NOS1AP: variants seen among roughly 807,000 people sequenced by gnomAD.
NOS1AP encodes the protein carboxyl-terminal PDZ ligand of neuronal nitric oxide synthase protein.
In NOS1AP, 21 loss-of-function variants were observed where a neutral mutation model predicts 56.2. That is an observed-to-expected ratio of 0.37 (90% CI 0.26 to 0.54). NOS1AP has a LOEUF of 0.54. Among genes scored for constraint, NOS1AP ranks in the 20% least tolerant of loss-of-function variants. The probability of loss-of-function intolerance (pLI) is 0.84; values close to 1 mark genes in which losing one functional copy is unlikely to be tolerated. For missense variants in NOS1AP, 522 were observed against 657.8 expected (o/e 0.79, Z 2.26); for synonymous variants, 270 against 274.6 (o/e 0.98, Z 0.17).
intron 8 of NOS1AP, chr1:162,365,051 G>C (rs1658022954): frequency 8.5e-7 from 1 of 1,174,798 alleles, no homozygotes; most frequent in African/African-American, 1.6e-5. Flanking sequence ...CAGGGATGGA[G>C]CACCGTGCGT....
chr1:162,269,772 C>G (rs888125152), intron 2 of NOS1AP, among the ~76,000 whole-genome samples: 1 of 149,966 alleles, frequency 6.7e-6, no homozygotes, highest in East Asian at 1.9e-4. Context: ...TTTTTTTTTT[C>G]AATTTCCTTT....
intron 6 of NOS1AP, among the ~76,000 whole-genome samples, chr1:162,349,410 G>A (rs1389723030): frequency 6.6e-6 from 1 of 152,134 alleles, no homozygotes; most frequent in African/African-American, 2.4e-5. Flanking sequence ...CAGAAATGAA[G>A]AGACAGAATG....
At chr1:162,116,134 C>T (rs899840399) in intron 1 of NOS1AP, among the ~76,000 whole-genome samples, 1 of 152,182 alleles carries the variant, frequency 6.6e-6, no homozygotes, top group Admixed American at 6.5e-5. Flanking sequence ...GGCTGAGCCC[C>T]TGGCCTCTGA....
intron 6 of NOS1AP, among the ~76,000 whole-genome samples, chr1:162,347,172 G>A (rs192330682): frequency 6.2e-4 from 94 of 152,340 alleles, no homozygotes; most frequent in Non-Finnish European, 9.6e-4. Flanking sequence ...AGGATTTGCC[G>A]TAAGAACTGC....
At chr1:162,194,553 GT>G (rs1322676433) in intron 2 of NOS1AP, among the ~76,000 whole-genome samples, 1 of 152,132 alleles carries the variant, frequency 6.6e-6, no homozygotes, top group Non-Finnish European at 1.5e-5. Context: ...ACCTTTCAAG[GT>G]TTGTACTCTG....
intron 2 of NOS1AP, among the ~76,000 whole-genome samples, chr1:162,204,697 C>A (rs906558875): frequency 6.6e-6 from 1 of 152,192 alleles, no homozygotes; most frequent in African/African-American, 2.4e-5. Flanking sequence ...GCAGCTGCTG[C>A]CAGCTGTTTG....
intron 3 of NOS1AP, among the ~76,000 whole-genome samples, chr1:162,296,294 A>G (rs1408916663): frequency 6.6e-6 from 1 of 152,166 alleles, no homozygotes; most frequent in African/African-American, 2.4e-5. Flanking sequence ...TCAAAAACAA[A>G]AAAAGCTCCA....
intron 5 of NOS1AP, among the ~76,000 whole-genome samples, chr1:162,340,692 A>C (rs1428193506): frequency 1.3e-5 from 2 of 152,160 alleles, no homozygotes; most frequent in Non-Finnish European, 2.9e-5. Flanking sequence ...AGGCTGAAGG[A>C]TGGGATGCCC....
At chr1:162,136,134 G>A (rs944334581) in intron 1 of NOS1AP, among the ~76,000 whole-genome samples, 2 of 152,178 alleles carry the variant, frequency 1.3e-5, no homozygotes, top group Non-Finnish European at 2.9e-5. Context: ...GTACTGCTAT[G>A]GTGTGGAGTA....
At chr1:162,144,282 G>C (rs1281613362) in intron 1 of NOS1AP, among the ~76,000 whole-genome samples, 1 of 152,216 alleles carries the variant, frequency 6.6e-6, no homozygotes, top group Non-Finnish European at 1.5e-5. Flanking sequence ...TGAAGTATTA[G>C]CATGGTGGTA....
intron 6 of NOS1AP, among the ~76,000 whole-genome samples, chr1:162,354,081 G>T (rs1657609339): frequency 6.6e-6 from 1 of 152,220 alleles, no homozygotes; most frequent in South Asian, 2.1e-4. Flanking sequence ...TGTTTCCCTT[G>T]ATGACTTGTG....
At position 162,313,965 on chromosome 1, in the gene NOS1AP, A is replaced by G. The variant is rs139108654; in HGVS notation, c.344+13259A>G. 9.4e-3 allele frequency among the ~76,000 whole-genome samples: 1,432 copies of G among 152,308 alleles called. 34 individuals carry two copies. Among genetic ancestry groups the G allele is most frequent in the African/African-American group, 0.033 (1,361 of 41,546 alleles). On this transcript the variant is annotated intron_variant, in intron 4 of 9. Coordinates refer to ENST00000361897, the MANE Select transcript of NOS1AP (RefSeq NM_014697.3). ...AACTCCATGAGGGTGGGGACCATGC[A>G]TGTTTTACTGTTGCATCCCAAGTGC...
At chr1:162,126,444 A>T (rs1366939442) in intron 1 of NOS1AP, among the ~76,000 whole-genome samples, 2 of 152,166 alleles carry the variant, frequency 1.3e-5, no homozygotes, top group Non-Finnish European at 2.9e-5. Context: ...TTCCTAATGC[A>T]TCATATCAGG....
intron 1 of NOS1AP, among the ~76,000 whole-genome samples, chr1:162,113,917 TA>T (rs1038350315): frequency 0.033 from 4,837 of 145,590 alleles, 247 homozygotes; most frequent in African/African-American, 0.11. Flanking sequence ...GTAAGAGAAT[TA>T]AAAAAAAAAA....
chr1:162,137,813 T>A (rs1445540159), intron 1 of NOS1AP, among the ~76,000 whole-genome samples: 3 of 152,122 alleles, frequency 2.0e-5, no homozygotes, highest in Non-Finnish European at 4.4e-5. Context: ...GGCATTTCTC[T>A]TGTGGCTGCT....
intron 2 of NOS1AP, among the ~76,000 whole-genome samples, chr1:162,230,257 G>C (rs1007258045): frequency 6.6e-5 from 10 of 152,084 alleles, no homozygotes; most frequent in Non-Finnish European, 1.5e-4. Context: ...TATGCTGCTG[G>C]GTCTCCCATA....
chr1:162,344,472 G>A (rs1657210229), intron 6 of NOS1AP, among the ~76,000 whole-genome samples: 1 of 152,058 alleles, frequency 6.6e-6, no homozygotes, highest in African/African-American at 2.4e-5. Context: ...GAGATGAGCA[G>A]ATCACTTGAG....
At chr1:162,141,641 T>A (rs1649239588) in intron 1 of NOS1AP, among the ~76,000 whole-genome samples, 1 of 152,262 alleles carries the variant, frequency 6.6e-6, no homozygotes, top group South Asian at 2.1e-4. Context: ...CTTTGACTTC[T>A]CTGATTATTT....
chr1:162,164,320 C>T (rs1458262163), intron 2 of NOS1AP, among the ~76,000 whole-genome samples: 1 of 152,010 alleles, frequency 6.6e-6, no homozygotes, highest in Non-Finnish European at 1.5e-5. Context: ...CATTGAGCAT[C>T]TACTCTTTGT....
Sources: gnomAD v4.1 joint callset for allele counts (sites outside exome capture counted in the v4.1 genomes callset) on GRCh38, gnomAD v4.1.1 for gene constraint, MANE v1.5 for transcripts, NCBI Gene and HGNC (gene_info 2026-07-23, HGNC 2026-07-21) for gene names.